Variants in PACRG observed in about 807,000 individuals in gnomAD.
PACRG encodes the protein parkin coregulated gene protein.
In PACRG, 29 loss-of-function variants were observed where a neutral mutation model predicts 29.7. The ratio of observed to expected loss-of-function variants is 0.98; its 90% CI spans 0.73 to 1.33. The LOEUF (loss-of-function observed/expected upper bound fraction) is 1.33, where lower values mean the gene tolerates loss of function less well. Among genes scored for constraint, PACRG ranks in the 40% most tolerant of loss-of-function variants. PACRG has a pLI of 0.00. For missense variants in PACRG, 279 were observed against 316.2 expected (o/e 0.88, Z 0.89); for synonymous variants, 116 against 118.7 (o/e 0.98, Z 0.15).
intron 4 of PACRG, among the ~76,000 whole-genome samples, chr6:163,098,673 G>A (rs886958359): frequency 4.6e-5 from 7 of 152,290 alleles, no homozygotes; most frequent in African/African-American, 1.7e-4. Flanking sequence ...AGAATTCAGG[G>A]CAAGTCCATA....
chr6:162,958,880 TATATAGAGAGAGAGAGAGAG>T (rs1266394574), intron 2 of PACRG, among the ~76,000 whole-genome samples: 24 of 16,502 alleles, frequency 1.5e-3, no homozygotes, highest in African/African-American at 4.0e-3. Flanking sequence ...TATATATATA[TATATAGAGAGAGAGAGAGAG>T]AGAGAGAGAG....
At chr6:163,265,153 T>A (rs947847712) in intron 4 of PACRG, among the ~76,000 whole-genome samples, 2 of 152,222 alleles carry the variant, frequency 1.3e-5, no homozygotes, top group Non-Finnish European at 2.9e-5. Flanking sequence ...CATGTGCGAA[T>A]GAGTGGGCTC....
At chr6:162,778,492 C>T (rs1479159946) in intron 1 of PACRG, among the ~76,000 whole-genome samples, 2 of 152,126 alleles carry the variant, frequency 1.3e-5, no homozygotes, top group African/African-American at 4.8e-5. Context: ...TTTATTTACA[C>T]ATATTTTAGG....
chr6:162,747,370 A>G (rs1276830948), intron 1 of PACRG, among the ~76,000 whole-genome samples: 1,723 of 50,420 alleles, frequency 0.034, 275 homozygotes, highest in African/African-American at 0.047. Context: ...ATATACACAT[A>G]CATATATATG....
At chr6:162,787,519 ATATG>A (rs1340564844) in intron 1 of PACRG, among the ~76,000 whole-genome samples, 5 of 138,416 alleles carry the variant, frequency 3.6e-5, no homozygotes, top group African/African-American at 1.3e-4. Flanking sequence ...TTGTGTGTGT[ATATG>A]TGTGTGTGTG....
chr6:163,265,193 G>A (rs927908040), intron 4 of PACRG, among the ~76,000 whole-genome samples: 3 of 152,198 alleles, frequency 2.0e-5, no homozygotes, highest in Non-Finnish European at 4.4e-5. Context: ...ATAATTTCCT[G>A]ACTAATGATA....
chr6:162,804,384 G>A (rs925328905), intron 1 of PACRG, among the ~76,000 whole-genome samples: 6 of 152,150 alleles, frequency 3.9e-5, no homozygotes, highest in Non-Finnish European at 8.8e-5. Context: ...GTGACTGAGG[G>A]ACATGTCCTG....
At chr6:163,078,785 C>A (rs1812794901) in intron 3 of PACRG, among the ~76,000 whole-genome samples, 1 of 152,136 alleles carries the variant, frequency 6.6e-6, no homozygotes, top group South Asian at 2.1e-4. Flanking sequence ...TCAAAAGTTG[C>A]CGTGAAACCC....
At chr6:163,049,449 T>C (rs1270968877) in intron 2 of PACRG, among the ~76,000 whole-genome samples, 1 of 152,046 alleles carries the variant, frequency 6.6e-6, no homozygotes, top group South Asian at 2.1e-4. Flanking sequence ...TGCTACACAA[T>C]GGGGGAAATA....
chr6:162,786,885 TTCATTTACAAAA>T (rs1167248463), intron 1 of PACRG, among the ~76,000 whole-genome samples: 1 of 152,168 alleles, frequency 6.6e-6, no homozygotes, highest in Non-Finnish European at 1.5e-5. Flanking sequence ...GAACTTAGAC[TTCATTTACAAAA>T]TCAAATGCAC....
At chr6:162,939,660 C>A (rs1453520016) in intron 2 of PACRG, among the ~76,000 whole-genome samples, 2 of 138,556 alleles carry the variant, frequency 1.4e-5, no homozygotes, top group Admixed American at 1.5e-4. Flanking sequence ...ATTAATTTTA[C>A]ATCTCCTGTA....
chr6:162,735,033 G>A (rs1264633761), intron 1 of PACRG, among the ~76,000 whole-genome samples: 1 of 152,146 alleles, frequency 6.6e-6, no homozygotes, highest in Admixed American at 6.5e-5. Context: ...CATTCTGTTT[G>A]TGAGATTCAC....
chr6:162,932,874 T>C (rs977095976), intron 2 of PACRG, among the ~76,000 whole-genome samples: 2 of 151,976 alleles, frequency 1.3e-5, no homozygotes, highest in Non-Finnish European at 2.9e-5. Flanking sequence ...TTATTTCTGC[T>C]CTCATCTTTA....
At chr6:162,983,966 A>T (rs1802655955) in intron 2 of PACRG, among the ~76,000 whole-genome samples, 1 of 151,938 alleles carries the variant, frequency 6.6e-6, no homozygotes, top group Non-Finnish European at 1.5e-5. Context: ...TACCTGTTTA[A>T]CATAATCCCA....
At chr6:163,216,436 G>A (rs537325418) in intron 4 of PACRG, among the ~76,000 whole-genome samples, 3 of 152,296 alleles carry the variant, frequency 2.0e-5, no homozygotes, top group African/African-American at 7.2e-5. Context: ...AAGAGAAAAG[G>A]GGAAGAAAAA....
chr6:162,727,518 G>C, upstream of PACRG: 1 of 905,290 alleles, frequency 1.1e-6, no homozygotes. Context: ...GGAGCCCGGC[G>C]GCGCGGGCCG....
At chr6:163,038,999 A>G (rs1381782082) in intron 2 of PACRG, among the ~76,000 whole-genome samples, 1 of 152,156 alleles carries the variant, frequency 6.6e-6, no homozygotes, top group Admixed American at 6.5e-5. Flanking sequence ...TATGGTTTAG[A>G]TCTATGTCCC....
rs935757818 is a variant in PACRG at position 162,863,536 on chromosome 6, G to C, written c.291+49255G>C. 2.6e-5 allele frequency among the ~76,000 whole-genome samples: 4 copies of C among 152,212 alleles called. No individual in the cohort carries two copies. In the South Asian group the frequency reaches 8.3e-4, roughly 31 times the overall value. On this transcript the variant is annotated intron_variant, in intron 2 of 4. Coordinates refer to ENST00000366888, the MANE Select transcript of PACRG (RefSeq NM_001080379.2). ...CAAAAGAGGATGGCACTGCATAGCA[G>C]AGGCTAAGCTACAGGCTGGGTACCA... is the stretch of plus-strand genomic sequence containing the variant.
At chr6:163,108,402 T>C (rs865936922) in intron 4 of PACRG, among the ~76,000 whole-genome samples, 4,018 of 141,450 alleles carry the variant, frequency 0.028, 198 homozygotes, top group African/African-American at 0.1. Flanking sequence ...CTTTTTTTTT[T>C]TTTTTTTTTT....
Sources: allele counts gnomAD v4.1 joint callset (sites outside exome capture counted in the v4.1 genomes callset), GRCh38; gene constraint gnomAD v4.1.1; transcripts MANE v1.5; gene names NCBI Gene and HGNC (gene_info 2026-07-23, HGNC 2026-07-21).